R3HDM2: variants seen among roughly 807,000 people sequenced by gnomAD.
R3HDM2 encodes the protein R3H domain-containing protein 2.
A neutral mutation model predicts 124.5 loss-of-function variants in R3HDM2; 38 were observed. The ratio of observed to expected loss-of-function variants is 0.31; its 90% CI spans 0.24 to 0.40. The LOEUF (loss-of-function observed/expected upper bound fraction) is 0.40, where lower values mean the gene tolerates loss of function less well. R3HDM2 is among the 10% of genes least tolerant of loss of function. The pLI, the probability that R3HDM2 is intolerant of heterozygous loss-of-function variation, is 1.00. For synonymous variants in R3HDM2, 391 were observed against 448.0 expected (o/e 0.87, Z 1.61); for missense variants, 869 against 1,236.9 (o/e 0.70, Z 4.46).
chr12:57,268,505 G>C (rs747344000), intron 17 of R3HDM2, 48 bp from the exon 18 acceptor site: 2 of 1,596,104 alleles, frequency 1.3e-6, no homozygotes, highest in Non-Finnish European at 8.6e-7. Context: ...TTCACATTGA[G>C]CTCATGCAGA....
intron 2 of R3HDM2, among the ~76,000 whole-genome samples, chr12:57,364,155 T>C (rs1301385387): frequency 6.7e-6 from 1 of 149,226 alleles, no homozygotes; most frequent in Non-Finnish European, 1.5e-5. Flanking sequence ...TTTTTTTTTT[T>C]TTTTTTTTTT....
chr12:57,259,893 T>C (rs1011575697), intron 19 of R3HDM2, among the ~76,000 whole-genome samples: 2 of 152,154 alleles, frequency 1.3e-5, no homozygotes, highest in African/African-American at 4.8e-5. Context: ...GGGAGACCTA[T>C]GCTTTGGAGA....
chr12:57,332,664 CTG>C (rs1252409073), intron 2 of R3HDM2, among the ~76,000 whole-genome samples: 2 of 152,156 alleles, frequency 1.3e-5, no homozygotes, highest in African/African-American at 4.8e-5. Context: ...AGCTTATAAC[CTG>C]TGAATCTAAC....
At position 57,423,422 on chromosome 12, in the gene R3HDM2, T is replaced by C. The variant is rs193204532; in HGVS notation, c.-106+7298A>G. On this transcript the variant is annotated intron_variant, in intron 1 of 23. Coordinates refer to ENST00000402412, the MANE Select transcript of R3HDM2 (RefSeq NM_001394031.1). The stretch of plus-strand genomic sequence containing the variant: ...CTGGGCAACAGAGCAAGACCCTGTC[T>C]CAAAAAAAGAAAGAAAAGAGATCTG... 3.5e-5 allele frequency among the ~76,000 whole-genome samples: 5 copies of C among 141,712 alleles called. No homozygotes were observed. The East Asian group carries it at 1.1e-3, about 31-fold the overall frequency. The allele number at this position is 141,712 out of a possible 152,430, so 93.0% of individuals were successfully genotyped here.
chr12:57,419,411 G>A (rs1257344309), intron 1 of R3HDM2, among the ~76,000 whole-genome samples: 1 of 151,462 alleles, frequency 6.6e-6, no homozygotes, highest in East Asian at 1.9e-4. Context: ...CCAAAGTGCT[G>A]AGATTACAGG....
At chr12:57,255,899 TA>T in intron 23 of R3HDM2, 90 bp downstream of exon 23, 2 of 1,151,954 alleles carry the variant, frequency 1.7e-6, no homozygotes, top group East Asian at 2.4e-5. Flanking sequence ...CTCCCCATCC[TA>T]AGCTGGCTTT....
intron 1 of R3HDM2, among the ~76,000 whole-genome samples, chr12:57,421,392 C>G (rs1423935417): frequency 6.6e-6 from 1 of 151,224 alleles, no homozygotes; most frequent in Non-Finnish European, 1.5e-5. Context: ...TCAGGTGATC[C>G]GCCCACCTCA....
chr12:57,420,470 C>T (rs944910278), intron 1 of R3HDM2, among the ~76,000 whole-genome samples: 1 of 151,856 alleles, frequency 6.6e-6, no homozygotes, highest in Non-Finnish European at 1.5e-5. Context: ...CTGCCTTCCT[C>T]CTCCTTGAAA....
intron 2 of R3HDM2, among the ~76,000 whole-genome samples, chr12:57,344,983 C>T (rs2059943492): frequency 6.6e-6 from 1 of 152,008 alleles, no homozygotes; most frequent in African/African-American, 2.4e-5. Flanking sequence ...TACAGGCATG[C>T]ACCACCATGT....
chr12:57,257,023 T>C lies in R3HDM2; in HGVS notation c.2450-512A>G, dbSNP rs576904323. ...TTAGTAGAGATGGGGTTTCACCACG[T>C]TGGCCAGGCAGTCTTGAACTCCTGA... On this transcript the variant is annotated intron_variant, in intron 21 of 23. Coordinates refer to ENST00000402412, the MANE Select transcript of R3HDM2 (RefSeq NM_001394031.1). Among the ~76,000 whole-genome samples, 20 of 152,218 alleles carry C rather than the reference T, an allele frequency of 1.3e-4. No individual in the cohort carries two copies. The South Asian group carries it at 4.2e-3, about 32-fold the overall frequency.
At chr12:57,344,267 C>G (rs1249469462) in intron 2 of R3HDM2, among the ~76,000 whole-genome samples, 1 of 152,120 alleles carries the variant, frequency 6.6e-6, no homozygotes, top group African/African-American at 2.4e-5. Flanking sequence ...AATGCAAAGC[C>G]TTCAAAAACT....
chr12:57,281,244 G>A (rs1189219748), intron 13 of R3HDM2, among the ~76,000 whole-genome samples: 2 of 140,558 alleles, frequency 1.4e-5, no homozygotes, highest in East Asian at 2.2e-4. Context: ...CTGAGATCGC[G>A]CCATGACACT....
At chr12:57,421,096 T>C (rs1263795623) in intron 1 of R3HDM2, among the ~76,000 whole-genome samples, 1 of 151,810 alleles carries the variant, frequency 6.6e-6, no homozygotes, top group African/African-American at 2.4e-5. Flanking sequence ...TTACCACTAT[T>C]ATCCTCTCTC....
intron 2 of R3HDM2, among the ~76,000 whole-genome samples, chr12:57,324,284 A>C (rs967070196): frequency 3.9e-5 from 6 of 152,156 alleles, no homozygotes; most frequent in African/African-American, 1.4e-4. Context: ...CCTGGGTTCA[A>C]GCAATTCTCC....
intron 1 of R3HDM2, among the ~76,000 whole-genome samples, chr12:57,428,179 C>A (rs190806076): frequency 6.6e-6 from 1 of 151,592 alleles, no homozygotes; most frequent in East Asian, 1.9e-4. Flanking sequence ...GACAGACAGG[C>A]TATGCTCTTA....
chr12:57,343,193 T>TC (rs1469104637), intron 2 of R3HDM2, among the ~76,000 whole-genome samples: 2 of 150,018 alleles, frequency 1.3e-5, no homozygotes, highest in Non-Finnish European at 3.0e-5. Context: ...TTAATTTTTT[T>TC]TTTTTTTTTT....
At chr12:57,382,426 T>C (rs1220167746) in intron 2 of R3HDM2, among the ~76,000 whole-genome samples, 4 of 151,532 alleles carry the variant, frequency 2.6e-5, no homozygotes, top group Admixed American at 1.3e-4. Context: ...TTTGTATTTT[T>C]AGTATAGACA....
chr12:57,343,666 TCAGA>T (rs954398176), intron 2 of R3HDM2, among the ~76,000 whole-genome samples: 1 of 151,562 alleles, frequency 6.6e-6, no homozygotes, highest in Non-Finnish European at 1.5e-5. Context: ...ATTTATTCAT[TCAGA>T]CAAATACTTG....
chr12:57,403,233 C>T (rs2068206828), intron 1 of R3HDM2, among the ~76,000 whole-genome samples: 1 of 152,160 alleles, frequency 6.6e-6, no homozygotes, highest in Non-Finnish European at 1.5e-5. Context: ...GTGGCTCACA[C>T]CTGTAATCCT....
Sources: gnomAD v4.1 joint callset for allele counts (sites outside exome capture counted in the v4.1 genomes callset) on GRCh38, gnomAD v4.1.1 for gene constraint, MANE v1.5 for transcripts, NCBI Gene and HGNC (gene_info 2026-07-23, HGNC 2026-07-21) for gene names.